Variants in SCD5 observed in about 807,000 individuals in gnomAD.
The protein encoded by SCD5 is acyl-CoA-desaturase 4.
In SCD5, 20 loss-of-function variants were observed where a neutral mutation model predicts 30.4. The observed-to-expected ratio is 0.66, with a 90% CI of 0.46 to 0.96. The LOEUF (loss-of-function observed/expected upper bound fraction) is 0.96. Ranked by LOEUF, SCD5 falls within the 40% of genes least tolerant of loss-of-function variation. SCD5 has a pLI of 0.00. For synonymous variants in SCD5, 173 were observed against 176.4 expected (o/e 0.98, Z 0.16); for missense variants, 381 against 443.3 (o/e 0.86, Z 1.26).
intron 1 of SCD5, among the ~76,000 whole-genome samples, chr4:82,767,907 A>G (rs1242504929): frequency 6.6e-6 from 1 of 152,180 alleles, no homozygotes; most frequent in African/African-American, 2.4e-5. Flanking sequence ...GGCTACCCAC[A>G]GCATGAGGCA....
intron 3 of SCD5, among the ~76,000 whole-genome samples, chr4:82,640,157 C>G (rs965953352): frequency 6.6e-6 from 1 of 152,174 alleles, no homozygotes; most frequent in Non-Finnish European, 1.5e-5. Flanking sequence ...CAGCCTGCAG[C>G]ACCCAGCTTC....
intron 1 of SCD5, among the ~76,000 whole-genome samples, chr4:82,748,089 G>A (rs952813312): frequency 2.0e-5 from 3 of 152,236 alleles, no homozygotes; most frequent in Non-Finnish European, 4.4e-5. Context: ...TCCCACAGAA[G>A]AGCAGAGGAC....
At chr4:82,704,932 C>A (rs1214588253) in intron 2 of SCD5, among the ~76,000 whole-genome samples, 1 of 152,208 alleles carries the variant, frequency 6.6e-6, no homozygotes, top group African/African-American at 2.4e-5. Flanking sequence ...GGCTACTATG[C>A]GGATCAAATA....
chr4:82,631,158 T>A lies in SCD5; in HGVS notation c.*169A>T. The stretch of plus-strand genomic sequence containing the variant: ...AAAACGAAAGTTTTTTCATTGATAA[T>A]TGTATTTCAACATTATTTTGAGATA... On this transcript the variant is annotated 3_prime_UTR_variant, in exon 5 of 5. Transcript: ENST00000319540. The A allele has an allele frequency of 1.9e-6, 1 of 525,832 alleles. No individual in the cohort carries two copies. The highest frequency in any genetic ancestry group is 3.2e-5 in the East Asian group (1 of 30,810). The allele number at this position is 525,832 out of a possible 1,614,324, so 32.6% of individuals were successfully genotyped here.
At chr4:82,719,602 C>A (rs1720318083) in intron 1 of SCD5, among the ~76,000 whole-genome samples, 1 of 146,894 alleles carries the variant, frequency 6.8e-6, no homozygotes, top group Non-Finnish European at 1.5e-5. Flanking sequence ...CTCCCAGGTT[C>A]ACGCCATTCT....
chr4:82,776,568 T>G (rs1226447243), intron 1 of SCD5, among the ~76,000 whole-genome samples: 2 of 152,158 alleles, frequency 1.3e-5, no homozygotes, highest in East Asian at 1.9e-4. Context: ...CATCCGAGGA[T>G]TCACATGCAG....
intron 2 of SCD5, among the ~76,000 whole-genome samples, chr4:82,697,060 T>TGC (rs1399747649): frequency 6.6e-6 from 1 of 152,218 alleles, no homozygotes; most frequent in Non-Finnish European, 1.5e-5. Context: ...AAAGAAAGGT[T>TGC]GCGAGAAAAT....
chr4:82,645,568 C>T (rs1412310366), intron 3 of SCD5, among the ~76,000 whole-genome samples: 1 of 152,164 alleles, frequency 6.6e-6, no homozygotes, highest in Non-Finnish European at 1.5e-5. Flanking sequence ...CCACTACCCA[C>T]CCCTCTCAAA....
chr4:82,658,653 T>C (rs75534695), intron 3 of SCD5, among the ~76,000 whole-genome samples: 83,365 of 140,950 alleles, frequency 0.59, 25,607 homozygotes, highest in Admixed American at 0.71. Flanking sequence ...TTTTTTTTTT[T>C]TTTGTATTTT....
chr4:82,761,339 T>A (rs1396244585), intron 1 of SCD5, among the ~76,000 whole-genome samples: 1 of 152,212 alleles, frequency 6.6e-6, no homozygotes, highest in African/African-American at 2.4e-5. Flanking sequence ...TAGTCCAATA[T>A]GTTCTGTCCT....
intron 1 of SCD5, among the ~76,000 whole-genome samples, chr4:82,719,498 A>C (rs1458195893): frequency 7.1e-6 from 1 of 141,750 alleles, no homozygotes; most frequent in African/African-American, 2.8e-5. Context: ...CAGTTGTAAA[A>C]TATGATTTTC....
intron 3 of SCD5, among the ~76,000 whole-genome samples, chr4:82,680,043 C>A (rs949108638): frequency 6.6e-6 from 1 of 152,158 alleles, no homozygotes; most frequent in African/African-American, 2.4e-5. Flanking sequence ...CCAGACCAAC[C>A]CAAGAACAAA....
At chr4:82,708,485 T>G (rs1720012716) in intron 1 of SCD5, among the ~76,000 whole-genome samples, 1 of 152,096 alleles carries the variant, frequency 6.6e-6, no homozygotes, top group Admixed American at 6.6e-5. Context: ...GAGCCTCTGT[T>G]TGACCCTACA....
chr4:82,793,603 A>C (rs931301722), intron 1 of SCD5, among the ~76,000 whole-genome samples: 2 of 152,198 alleles, frequency 1.3e-5, no homozygotes, highest in East Asian at 3.8e-4. Flanking sequence ...TTCTTCTGCT[A>C]AAGAAAAGGG....
chr4:82,701,275 TAG>T (rs975567460), intron 2 of SCD5, among the ~76,000 whole-genome samples: 1 of 151,604 alleles, frequency 6.6e-6, no homozygotes, highest in African/African-American at 2.4e-5. Context: ...GGACAGAAAA[TAG>T]ACTTATACAA....
intron 2 of SCD5, among the ~76,000 whole-genome samples, chr4:82,685,932 C>T (rs1001881622): frequency 6.6e-6 from 1 of 151,932 alleles, no homozygotes; most frequent in African/African-American, 2.4e-5. Context: ...GGGCTTGCCG[C>T]ATTTCAAGTG....
chr4:82,759,260 C>T (rs1200650457), intron 1 of SCD5, among the ~76,000 whole-genome samples: 1 of 152,206 alleles, frequency 6.6e-6, no homozygotes, highest in Non-Finnish European at 1.5e-5. Context: ...GATGCAGGGC[C>T]TCAGCACTGC....
At chr4:82,746,479 G>T (rs2148840640) in intron 1 of SCD5, among the ~76,000 whole-genome samples, 1 of 152,160 alleles carries the variant, frequency 6.6e-6, no homozygotes, top group Admixed American at 6.5e-5. Flanking sequence ...ATATTTTTAT[G>T]CTCTAGTTAA....
intron 1 of SCD5, among the ~76,000 whole-genome samples, chr4:82,786,985 G>A (rs1168750925): frequency 1.3e-5 from 2 of 152,010 alleles, no homozygotes; most frequent in African/African-American, 4.8e-5. Flanking sequence ...AAGGTTTTCC[G>A]TCCACTCCGG....
Sources: allele counts gnomAD v4.1 joint callset (sites outside exome capture counted in the v4.1 genomes callset), GRCh38; gene constraint gnomAD v4.1.1; transcripts MANE v1.5; gene names NCBI Gene and HGNC (gene_info 2026-07-23, HGNC 2026-07-21).